The following SSH1 variants were observed in gnomAD, a reference collection of about 807,000 sequenced individuals.
SSH1 encodes the protein protein phosphatase Slingshot homolog 1.
A neutral mutation model predicts 79.7 loss-of-function variants in SSH1; 43 were observed. The ratio of observed to expected loss-of-function variants is 0.54; its 90% confidence interval spans 0.42 to 0.70. SSH1 has a LOEUF of 0.70. Ranked by LOEUF, SSH1 falls within the 30% of genes least tolerant of loss-of-function variation. The probability of loss-of-function intolerance (pLI) is 0.00; values close to 1 mark genes in which losing one functional copy is unlikely to be tolerated. For missense variants in SSH1, 1,206 were observed against 1,358.8 expected (o/e 0.89, Z 1.77); for synonymous variants, 599 against 538.3 (o/e 1.11, Z -1.56).
At chr12:108,792,919 G>A (rs2036577386) in intron 13 of SSH1, 90 bp from the exon 14 acceptor site, 2 of 1,539,874 alleles carry the variant, frequency 1.3e-6, no homozygotes, top group East Asian at 2.3e-5. Context: ...GTGAGGGGCT[G>A]CCCAAGGTCA....
chr12:108,822,556 C>T (rs1157432227), intron 3 of SSH1, among the ~76,000 whole-genome samples: 10 of 152,204 alleles, frequency 6.6e-5, no homozygotes, highest in Admixed American at 5.9e-4. Context: ...AAGCGATCCT[C>T]CCAACTCAGC....
Position 108,800,852 on chromosome 12 carries a change from C to T in SSH1, c.1076G>A (p.Arg359Gln), listed in dbSNP as rs776487698. The T allele has an allele frequency of 4.3e-6, 7 of 1,613,870 alleles. No homozygotes were observed. The highest frequency in any genetic ancestry group is 5.9e-6 in the Non-Finnish European group (7 of 1,179,888). Reference sequence around the variant, plus strand: ...GTCTGTGGTCTCTTCATCGTAGACTCGGATGTTATGATATGCAAATAAGCC... The same window carrying T: ...GTCTGTGGTCTCTTCATCGTAGACTTGGATGTTATGATATGCAAATAAGCC... The part of the protein sequence containing the change: ...FPGLFAYHNI[R>Q]VYDEETTDLL... The change falls in exon 12 of 15, where the codon CGA (arginine) becomes CAA (glutamine). Residue 359 changes from arginine to glutamine, a missense_variant. Arg to Gln is a conservative substitution (Grantham distance 43). Around this residue, in one of 5 missense-constraint regions of SSH1, gnomAD observed 166 missense variants for 262.9 expected, o/e 0.63. Coordinates refer to ENST00000326495, the MANE Select transcript of SSH1 (RefSeq NM_018984.4).
intron 1 of SSH1, among the ~76,000 whole-genome samples, chr12:108,854,469 A>G (rs958542712): frequency 4.6e-5 from 7 of 152,266 alleles, no homozygotes; most frequent in African/African-American, 1.7e-4. Flanking sequence ...GGAAAATGAC[A>G]TAAGTGACAT....
intron 2 of SSH1, among the ~76,000 whole-genome samples, chr12:108,829,606 T>C (rs61487475): frequency 0.024 from 3,639 of 152,252 alleles, 169 homozygotes; most frequent in East Asian, 0.22. Flanking sequence ...CCCTGCTGCA[T>C]AGAAACAGCA....
rs757847121 is a variant in SSH1 at position 108,792,564 on chromosome 12, C to A, written c.1615G>T (p.Ala539Ser). 1 of 1,613,880 alleles carries A rather than the reference C, an allele frequency of 6.2e-7. No individual in the cohort carries two copies. The part of the protein sequence containing the change: ...LVHLEDPERE[A>S]LLEEAAPPAE... ...GGTGGAGCAGCTTCCTCCAACAGAG[C>A]CTCCCTCTCCGGATCCTCCAGGTGG... Residue 539 changes from alanine to serine, a missense_variant, in exon 14 of 15, where the codon GCT becomes TCT. Transcript: ENST00000326495.
chr12:108,806,475 G>A, intron 8 of SSH1, 81 bp from the exon 9 acceptor site: 1 of 1,271,264 alleles, frequency 7.9e-7, no homozygotes, highest in Non-Finnish European at 1.2e-6. Flanking sequence ...AGATGCTCCT[G>A]GGTCTAAACA....
At position 108,787,691 on chromosome 12, in the gene SSH1, T is replaced by C. The variant is rs922268961; in HGVS notation, c.*297A>G. The C allele has an allele frequency of 8.9e-6, 4 of 451,434 alleles. No individual in the cohort carries two copies. Among genetic ancestry groups the C allele is most frequent in the African/African-American group, 7.9e-5 (4 of 50,402 alleles). The allele number at this position is 451,434 out of a possible 1,614,324, so 28.0% of individuals were successfully genotyped here. ...AACAGTCTGGATGTGTGCGCCTATGTGTGCACGTTCTTCCTAAAACATGGT... is the reference window on the plus strand; with the variant it reads ...AACAGTCTGGATGTGTGCGCCTATGCGTGCACGTTCTTCCTAAAACATGGT... On this transcript the variant is annotated 3_prime_UTR_variant, in exon 15 of 15. Transcript: ENST00000326495.
At chr12:108,806,431 T>C (rs573875489) in intron 8 of SSH1, 37 bp from the exon 9 acceptor site, 5 of 1,595,262 alleles carry the variant, frequency 3.1e-6, no homozygotes, top group East Asian at 2.2e-5. Flanking sequence ...CAAGGAGCTG[T>C]AGAAAGCTTG....
At chr12:108,831,289 G>C (rs1000851594) in intron 2 of SSH1, among the ~76,000 whole-genome samples, 1 of 152,212 alleles carries the variant, frequency 6.6e-6, no homozygotes, top group Non-Finnish European at 1.5e-5. Flanking sequence ...CAGCGAACTT[G>C]ATGGTAATTC....
intron 2 of SSH1, among the ~76,000 whole-genome samples, chr12:108,830,181 GTGGC>G (rs2038438982): frequency 6.6e-6 from 1 of 152,170 alleles, no homozygotes; most frequent in Admixed American, 6.5e-5. Flanking sequence ...GCCAGGCATG[GTGGC>G]TCACGCCTGT....
intron 3 of SSH1, among the ~76,000 whole-genome samples, chr12:108,819,912 G>A (rs890559167): frequency 1.3e-5 from 2 of 152,154 alleles, no homozygotes; most frequent in African/African-American, 2.4e-5. Flanking sequence ...TTTTGCAAAA[G>A]CATCTTTTTC....
In SSH1 at chr12:108,792,615, G is replaced by A. The variant is rs749107776; in HGVS notation, c.1564C>T (p.Pro522Ser). Residue 522 changes from proline to serine, a missense_variant, in exon 14 of 15, where the codon CCT becomes TCT. Transcript: ENST00000326495. ...RRLSDPLLPSPEDETGSLVHL... is the reference protein window; with the variant it reads ...RRLSDPLLPSSEDETGSLVHL... ...ACCAAGCTGCCAGTTTCATCCTCAGGGGAAGGCAGAAGGGGGTCTGAGAGT... is the reference window on the plus strand; with the variant it reads ...ACCAAGCTGCCAGTTTCATCCTCAGAGGAAGGCAGAAGGGGGTCTGAGAGT... 18 of 1,612,374 alleles carry A rather than the reference G, an allele frequency of 1.1e-5. No homozygotes were observed. In the African/African-American group the frequency reaches 2.1e-4, roughly 19 times the overall value.
chr12:108,812,498 G>T (rs528391065), intron 5 of SSH1, among the ~76,000 whole-genome samples: 4 of 152,224 alleles, frequency 2.6e-5, no homozygotes, highest in Admixed American at 6.6e-5. Flanking sequence ...AGCACAGGAC[G>T]GGGGCAGGGC....
chr12:108,798,370 G>A (rs945290066), intron 13 of SSH1, among the ~76,000 whole-genome samples: 1 of 152,214 alleles, frequency 6.6e-6, no homozygotes, highest in African/African-American at 2.4e-5. Flanking sequence ...ATGGGGTCTT[G>A]CTCTGTCATG....
chr12:108,827,381 C>A, intron 2 of SSH1: 1 of 1,521,666 alleles, frequency 6.6e-7, no homozygotes, highest in African/African-American at 1.4e-5. Flanking sequence ...ACGCTCCCTA[C>A]AACTGCCCTC....
chr12:108,804,639 C>T (rs955491530), intron 10 of SSH1, among the ~76,000 whole-genome samples: 2 of 152,218 alleles, frequency 1.3e-5, no homozygotes, highest in Admixed American at 6.5e-5. Context: ...TCTCATGTCT[C>T]AGGATGCCTA....
intron 2 of SSH1, chr12:108,827,492 C>A: frequency 7.7e-7 from 1 of 1,296,218 alleles, no homozygotes; most frequent in Non-Finnish European, 9.8e-7. Context: ...CAGAGTCCTA[C>A]CCGAAAAGCA....
Position 108,822,368 on chromosome 12 carries a change from A to C in SSH1, c.214+890T>G, listed in dbSNP as rs144516422. Among the ~76,000 whole-genome samples, 41 of 152,254 alleles carry C rather than the reference A, an allele frequency of 2.7e-4. No individual in the cohort carries two copies. The East Asian group carries it at 7.7e-3, about 29-fold the overall frequency. ...GGGTTAGTCTGGAACTCCTGGGTTCAAGCGAGATCTGCCCACCTTGGCCTC... is the reference window on the plus strand; with the variant it reads ...GGGTTAGTCTGGAACTCCTGGGTTCCAGCGAGATCTGCCCACCTTGGCCTC... On this transcript the variant is annotated intron_variant, in intron 3 of 14. Coordinates refer to ENST00000326495, the MANE Select transcript of SSH1 (RefSeq NM_018984.4).
At chr12:108,823,052 C>T (rs2038182561) in intron 3 of SSH1, among the ~76,000 whole-genome samples, 2 of 152,204 alleles carry the variant, frequency 1.3e-5, no homozygotes, top group African/African-American at 4.8e-5. Context: ...TTACTCCTGA[C>T]GCAGACAGAC....
Sources: gnomAD v4.1 joint callset for allele counts (sites outside exome capture counted in the v4.1 genomes callset) on GRCh38, gnomAD v4.1.1 for gene constraint, gnomAD v4.1.1 regional missense constraint, MANE v1.5 for transcripts, NCBI Gene and HGNC (gene_info 2026-07-23, HGNC 2026-07-21) for gene names.